The following SCML4 variants were observed in gnomAD, a reference collection of about 807,000 sequenced individuals.
The protein encoded by SCML4 is Scm polycomb group protein like 4.
A neutral mutation model predicts 41.1 loss-of-function variants in SCML4; 34 were observed. The observed-to-expected ratio is 0.83, with a 90% CI of 0.63 to 1.10. The LOEUF (loss-of-function observed/expected upper bound fraction) is 1.10, where lower values mean the gene tolerates loss of function less well. Ranked by LOEUF, SCML4 falls within the 50% of genes least tolerant of loss-of-function variation. SCML4 has a pLI of 0.00. For synonymous variants in SCML4, 214 were observed against 220.9 expected (o/e 0.97, Z 0.28); for missense variants, 522 against 534.1 (o/e 0.98, Z 0.22).
intron 5 of SCML4, among the ~76,000 whole-genome samples, chr6:107,722,832 G>A (rs1362909017): frequency 1.3e-5 from 2 of 152,116 alleles, no homozygotes; most frequent in African/African-American, 2.4e-5. Flanking sequence ...AAATACTTCT[G>A]TTAAAGGAAG....
chr6:107,750,877 T>A (rs1056991811), intron 2 of SCML4, among the ~76,000 whole-genome samples: 48 of 152,360 alleles, frequency 3.2e-4, no homozygotes, highest in Non-Finnish European at 6.5e-4. Context: ...AGGTTGTATG[T>A]CCTATTGTTA....
chr6:107,750,565 G>A (rs1778528155), intron 2 of SCML4, among the ~76,000 whole-genome samples: 1 of 152,206 alleles, frequency 6.6e-6, no homozygotes, highest in South Asian at 2.1e-4. Context: ...AGTCAGTCAT[G>A]TCCCTGTCTT....
chr6:107,783,646 A>G, intron 1 of SCML4, among the ~76,000 whole-genome samples: 1 of 107,658 alleles, frequency 9.3e-6, no homozygotes, highest in African/African-American at 3.9e-5. Flanking sequence ...GCCTGATGGC[A>G]GGTGCTGGTC....
intron 2 of SCML4, among the ~76,000 whole-genome samples, chr6:107,750,612 A>G (rs1778532660): frequency 6.6e-6 from 1 of 152,192 alleles, no homozygotes; most frequent in Non-Finnish European, 1.5e-5. Flanking sequence ...CTCTAGACCG[A>G]TTAAGTCAGT....
chr6:107,744,996 C>T lies in SCML4; in HGVS notation c.635G>A (p.Ser212Asn). The T allele has an allele frequency of 6.2e-7, 1 of 1,613,916 alleles. No individual in the cohort carries two copies. The highest frequency in any genetic ancestry group is 8.5e-7 in the Non-Finnish European group (1 of 1,179,914). The change falls in exon 5 of 8, where the codon AGT (serine) becomes AAT (asparagine). Residue 212 changes from serine (S) to asparagine (N), a missense_variant. Coordinates refer to ENST00000369020, the MANE Select transcript of SCML4 (RefSeq NM_198081.5). ...TTTCTCCTGGACTTTCTCAGAGGCACTGCAGCCCCTGGGGAAGGGCTGGTG... is the reference window on the plus strand; with the variant it reads ...TTTCTCCTGGACTTTCTCAGAGGCATTGCAGCCCCTGGGGAAGGGCTGGTG... ...FSHQPFPRGC[S>N]ASEKVQEKEE...
the SCML4 span, among the ~76,000 whole-genome samples, chr6:107,839,341 A>AGG: frequency 1.6e-4 from 2 of 12,886 alleles, no homozygotes; most frequent in East Asian, 8.6e-3. Flanking sequence ...GAGAGAGAGA[A>AGG]AAAGAAAGAA....
At chr6:107,808,749 G>A (rs1362868561) in intron 1 of SCML4, among the ~76,000 whole-genome samples, 1 of 152,144 alleles carries the variant, frequency 6.6e-6, no homozygotes, top group Non-Finnish European at 1.5e-5. Context: ...TTTATAATGT[G>A]CATAATGCAT....
the SCML4 span, among the ~76,000 whole-genome samples, chr6:107,835,044 C>T: frequency 6.6e-6 from 1 of 151,888 alleles, no homozygotes; most frequent in African/African-American, 2.4e-5. Flanking sequence ...GCATCAATAA[C>T]ATAAGAATAG....
the SCML4 span, among the ~76,000 whole-genome samples, chr6:107,836,451 G>T: frequency 6.6e-6 from 1 of 152,066 alleles, no homozygotes; most frequent in Admixed American, 6.6e-5. Flanking sequence ...CAGACCTCAA[G>T]TCCAATGTCC....
chr6:107,735,225 G>T (rs1349957171), intron 5 of SCML4, among the ~76,000 whole-genome samples: 2 of 152,104 alleles, frequency 1.3e-5, no homozygotes, highest in African/African-American at 4.8e-5. Context: ...CTTAAGACCA[G>T]AGCTTGTCAA....
intron 2 of SCML4, among the ~76,000 whole-genome samples, chr6:107,760,559 G>C (rs890075539): frequency 6.6e-6 from 1 of 152,108 alleles, no homozygotes; most frequent in Non-Finnish European, 1.5e-5. Context: ...GAAAACCTCA[G>C]GCTATGAATT....
chr6:107,794,276 T>C (rs1782552659), intron 1 of SCML4, among the ~76,000 whole-genome samples: 1 of 152,242 alleles, frequency 6.6e-6, no homozygotes, highest in Non-Finnish European at 1.5e-5. Flanking sequence ...ATGAGACATT[T>C]AATAAACTTT....
intron 6 of SCML4, among the ~76,000 whole-genome samples, chr6:107,716,290 G>C (rs1774785055): frequency 6.6e-6 from 1 of 152,120 alleles, no homozygotes; most frequent in Non-Finnish European, 1.5e-5. Context: ...AAAGCCATCA[G>C]GCATGATTTG....
chr6:107,801,763 C>T (rs765669335), intron 1 of SCML4, among the ~76,000 whole-genome samples: 2 of 151,798 alleles, frequency 1.3e-5, no homozygotes, highest in Admixed American at 6.6e-5. Flanking sequence ...CTTTTGACTA[C>T]AGTCTTCATT....
intron 1 of SCML4, among the ~76,000 whole-genome samples, chr6:107,781,096 G>T (rs1781452958): frequency 6.6e-6 from 1 of 152,120 alleles, no homozygotes; most frequent in Admixed American, 6.5e-5. Flanking sequence ...TTACGTATAG[G>T]TATTTTGTTC....
chr6:107,705,404 G>T, intron 7 of SCML4, 79 bp from the exon 8 acceptor site: 1 of 1,342,994 alleles, frequency 7.4e-7, no homozygotes, highest in Non-Finnish European at 1.0e-6. Flanking sequence ...TTAAGGTGTG[G>T]TCAAGGGGTG....
chr6:107,772,275 G>T lies in SCML4; in HGVS notation c.53C>A (p.Ser18Tyr). The T allele has an allele frequency of 6.4e-7, 1 of 1,551,766 alleles. No homozygotes were observed. The highest frequency in any genetic ancestry group is 8.7e-7 in the Non-Finnish European group (1 of 1,146,998). Residue 18 changes from serine (S) to tyrosine (Y), a missense_variant, in exon 2 of 8, where the codon TCC becomes TAC. Coordinates refer to ENST00000369020, the MANE Select transcript of SCML4 (RefSeq NM_198081.5). Reference protein sequence around the residue: ...GRKRGRPSLHSTPMKMAVHNL... With the variant: ...GRKRGRPSLHYTPMKMAVHNL... Reference sequence around the variant, plus strand: ...ATGAACTGCCATCTTCATAGGCGTGGAGTGAAGTGAGGGTCGGCCTCGCTT... The same window carrying T: ...ATGAACTGCCATCTTCATAGGCGTGTAGTGAAGTGAGGGTCGGCCTCGCTT...
intron 2 of SCML4, among the ~76,000 whole-genome samples, chr6:107,753,682 G>T (rs369198107): frequency 8.3e-4 from 126 of 152,044 alleles, no homozygotes; most frequent in Middle Eastern, 3.4e-3. Context: ...TTTGTTTTTT[G>T]TTTTTGAGAT....
intron 1 of SCML4, among the ~76,000 whole-genome samples, chr6:107,806,256 C>T (rs1175738821): frequency 6.6e-6 from 1 of 151,868 alleles, no homozygotes; most frequent in African/African-American, 2.4e-5. Flanking sequence ...ATGTTCAGCA[C>T]ATGCTCATCT....
Sources: allele counts gnomAD v4.1 joint callset (sites outside exome capture counted in the v4.1 genomes callset), GRCh38; gene constraint gnomAD v4.1.1; transcripts MANE v1.5; gene names NCBI Gene and HGNC (gene_info 2026-07-23, HGNC 2026-07-21).